DIPK1A: variants seen among roughly 807,000 people sequenced by gnomAD.
The protein encoded by DIPK1A is divergent protein kinase domain 1A.
In DIPK1A, 27 loss-of-function variants were observed where a neutral mutation model predicts 40.8. The observed-to-expected ratio is 0.66, with a 90% CI of 0.49 to 0.91. The LOEUF is 0.91. Ranked by LOEUF, DIPK1A falls within the 40% of genes least tolerant of loss-of-function variation. DIPK1A has a pLI of 0.00. For missense variants in DIPK1A, 412 were observed against 505.7 expected (o/e 0.81, Z 1.78); for synonymous variants, 166 against 171.3 (o/e 0.97, Z 0.24).
chr1:92,881,288 C>T (rs947367191), intron 1 of DIPK1A, among the ~76,000 whole-genome samples: 1 of 131,534 alleles, frequency 7.6e-6, no homozygotes, highest in African/African-American at 2.9e-5. Context: ...ATACTCCATA[C>T]ACAAATGTTC....
intron 2 of DIPK1A, among the ~76,000 whole-genome samples, chr1:92,852,926 T>G (rs958238059): frequency 1.3e-5 from 2 of 151,866 alleles, no homozygotes; most frequent in African/African-American, 4.8e-5. Flanking sequence ...TATGTAGTAC[T>G]AGCTACTTGG....
At chr1:92,927,012 C>A (rs1488107397) in intron 1 of DIPK1A, among the ~76,000 whole-genome samples, 2 of 151,992 alleles carry the variant, frequency 1.3e-5, no homozygotes, top group Non-Finnish European at 2.9e-5. Flanking sequence ...GCTGGACTGG[C>A]CATTTTAGTG....
At chr1:92,876,941 T>C in intron 1 of DIPK1A, 4 of 975,100 alleles carry the variant, frequency 4.1e-6, no homozygotes, top group Non-Finnish European at 4.9e-6. Context: ...CAGTCATTTC[T>C]ATTTCCCTAT....
intron 2 of DIPK1A, among the ~76,000 whole-genome samples, chr1:92,851,487 G>A (rs979133299): frequency 2.1e-4 from 25 of 121,636 alleles, no homozygotes; most frequent in Non-Finnish European, 2.9e-4. Context: ...AGGTTGTGGT[G>A]AGCCGAGATC....
In DIPK1A at chr1:92,844,139, C is replaced by T. The variant is rs550456870; in HGVS notation, c.531G>A (p.Val177=). ...CCTGGCCATCTTTGTCTCCATCAGCCACCGTCAAGATGAGATTAACCAGTT... is the reference window on the plus strand; with the variant it reads ...CCTGGCCATCTTTGTCTCCATCAGCTACCGTCAAGATGAGATTAACCAGTT... ...LSELVNLILT[V]ADGDKDGQVS... is the part of the protein sequence containing the mutation. Residue 177 remains valine, a synonymous_variant, in exon 5 of 5, where the codon GTG becomes GTA. Coordinates refer to ENST00000370310, the MANE Select transcript of DIPK1A (RefSeq NM_001006605.5). 8.8e-5 allele frequency: 136 copies of T among 1,551,712 alleles called. No homozygotes were observed. In the African/African-American group the frequency reaches 1.7e-3, roughly 19 times the overall value.
intron 1 of DIPK1A, among the ~76,000 whole-genome samples, chr1:92,900,272 A>G (rs969091181): frequency 2.6e-5 from 4 of 151,898 alleles, no homozygotes; most frequent in African/African-American, 7.3e-5. Flanking sequence ...ATGGTGTCCC[A>G]TAAGTCTTGC....
chr1:92,910,460 A>C (rs1253910442), intron 1 of DIPK1A, among the ~76,000 whole-genome samples: 1 of 152,162 alleles, frequency 6.6e-6, no homozygotes, highest in African/African-American at 2.4e-5. Context: ...TGTATAGACA[A>C]AAGCTAAATA....
At chr1:92,893,707 C>T (rs1013784876) in intron 1 of DIPK1A, among the ~76,000 whole-genome samples, 1 of 151,716 alleles carries the variant, frequency 6.6e-6, no homozygotes, top group South Asian at 2.1e-4. Flanking sequence ...CACAGACTGG[C>T]AAATTGGATA....
At chr1:92,932,734 A>C (rs1447326909) in intron 1 of DIPK1A, 3 of 152,344 alleles carry the variant, frequency 2.0e-5, no homozygotes, top group African/African-American at 7.2e-5. Context: ...TTCCAACTAC[A>C]TAATATTCTA....
intron 2 of DIPK1A, among the ~76,000 whole-genome samples, chr1:92,852,219 C>T (rs1323261817): frequency 4.6e-5 from 7 of 152,304 alleles, no homozygotes; most frequent in Admixed American, 2.6e-4. Flanking sequence ...ATTTTCTAGG[C>T]AGGGTGCAGT....
intron 1 of DIPK1A, among the ~76,000 whole-genome samples, chr1:92,918,434 C>T (rs1199458352): frequency 6.6e-6 from 1 of 152,210 alleles, no homozygotes. Context: ...CAGGCATGAG[C>T]CACTGTGCCT....
downstream of DIPK1A, chr1:92,840,693 A>AAC: frequency 1.6e-6 from 2 of 1,280,698 alleles, no homozygotes; most frequent in Non-Finnish European, 2.2e-6. Flanking sequence ...AATGGTTCCC[A>AAC]CGTGGGGCAG....
At chr1:92,860,620 T>C (rs1159836232) in intron 2 of DIPK1A, among the ~76,000 whole-genome samples, 2 of 47,344 alleles carry the variant, frequency 4.2e-5, no homozygotes, top group Admixed American at 2.8e-4. Flanking sequence ...TGAAACCCAA[T>C]TTCTACTAAA....
chr1:92,878,239 G>A (rs910691797), intron 1 of DIPK1A, among the ~76,000 whole-genome samples: 1 of 152,178 alleles, frequency 6.6e-6, no homozygotes, highest in Non-Finnish European at 1.5e-5. Flanking sequence ...AAGGCAAGGG[G>A]AAACTTAAAG....
intron 1 of DIPK1A, among the ~76,000 whole-genome samples, chr1:92,897,535 T>G (rs1649226720): frequency 6.6e-6 from 1 of 152,058 alleles, no homozygotes; most frequent in African/African-American, 2.4e-5. Context: ...AGGGATAGCA[T>G]TAGGAGATAT....
chr1:92,944,693 T>A (rs1419392543), intron 1 of DIPK1A, among the ~76,000 whole-genome samples: 1 of 152,160 alleles, frequency 6.6e-6, no homozygotes, highest in Non-Finnish European at 1.5e-5. Flanking sequence ...AGTGCAGTGG[T>A]GCGATCTTGG....
At chr1:92,874,976 A>T (rs1246230257) in intron 2 of DIPK1A, among the ~76,000 whole-genome samples, 1 of 152,072 alleles carries the variant, frequency 6.6e-6, no homozygotes, top group Non-Finnish European at 1.5e-5. Context: ...AGTTGGAATG[A>T]ACACAGGATT....
At chr1:92,915,481 T>C (rs1650016468) in intron 1 of DIPK1A, among the ~76,000 whole-genome samples, 3 of 152,210 alleles carry the variant, frequency 2.0e-5, no homozygotes, top group South Asian at 4.1e-4. Context: ...AAGGAAATAA[T>C]ACAGGAACTT....
At chr1:92,898,925 G>A (rs975703937) in intron 1 of DIPK1A, among the ~76,000 whole-genome samples, 2 of 152,064 alleles carry the variant, frequency 1.3e-5, no homozygotes, top group African/African-American at 4.8e-5. Context: ...ACCATGCCTG[G>A]CTATTTTGCT....
Sources: gnomAD v4.1 joint callset for allele counts (sites outside exome capture counted in the v4.1 genomes callset) on GRCh38, gnomAD v4.1.1 for gene constraint, MANE v1.5 for transcripts, NCBI Gene and HGNC (gene_info 2026-07-23, HGNC 2026-07-21) for gene names.